SP100: variants seen among roughly 807,000 people sequenced by gnomAD.
SP100 encodes the protein nuclear autoantigen Sp-100.
Under a neutral mutation model 130.0 loss-of-function variants are expected in SP100, and 84 were observed. The observed-to-expected ratio is 0.65, with a 90% confidence interval of 0.54 to 0.77. SP100 has a LOEUF of 0.77. Ranked by LOEUF, SP100 falls within the 30% of genes least tolerant of loss-of-function variation. The pLI is 0.00. For missense variants in SP100, 978 were observed against 1,052.2 expected (o/e 0.93, Z 0.97); for synonymous variants, 331 against 351.7 (o/e 0.94, Z 0.66).
chr2:230,526,130 C>G (rs917382049), intron 24 of SP100, among the ~76,000 whole-genome samples: 1 of 152,208 alleles, frequency 6.6e-6, no homozygotes, highest in Non-Finnish European at 1.5e-5. Flanking sequence ...CCCAGGTAGC[C>G]TGACTGGGAA....
At chr2:230,461,477 A>T in intron 9 of SP100, 63 bp downstream of exon 9, 1 of 1,551,876 alleles carries the variant, frequency 6.4e-7, no homozygotes, top group Non-Finnish European at 8.9e-7. Flanking sequence ...GGGCTCAGGG[A>T]CTTCATCACG....
chr2:230,519,872 T>A (rs1691091557), intron 24 of SP100, among the ~76,000 whole-genome samples: 1 of 152,124 alleles, frequency 6.6e-6, no homozygotes, highest in Non-Finnish European at 1.5e-5. Flanking sequence ...CCATCCCGGG[T>A]TACATGGGTC....
chr2:230,502,952 T>C, intron 19 of SP100, 114 bp from the exon 20 acceptor site: 1 of 798,668 alleles, frequency 1.3e-6, no homozygotes. Flanking sequence ...ACTCCTGATA[T>C]TTTTCTTTAA....
chr2:230,440,669 T>A, intron 2 of SP100: 1 of 1,033,514 alleles, frequency 9.7e-7, no homozygotes, highest in Non-Finnish European at 1.3e-6. Context: ...AGTCCTAAAG[T>A]TTTTTCTTGA....
At chr2:230,492,570 T>G (rs1046575898) in intron 17 of SP100, among the ~76,000 whole-genome samples, 13 of 152,202 alleles carry the variant, frequency 8.5e-5, no homozygotes, top group Non-Finnish European at 1.8e-4. Context: ...CTTCCCAAAG[T>G]GCTGGGATTA....
intron 1 of SP100, 23 bp from the exon 2 acceptor site, chr2:230,417,568 G>A (rs1400862602): frequency 6.2e-7 from 1 of 1,607,460 alleles, no homozygotes. Context: ...TATTTACTTG[G>A]TCCTGCCAAA....
intron 24 of SP100, among the ~76,000 whole-genome samples, chr2:230,535,315 A>G (rs1355911246): frequency 2.0e-5 from 3 of 152,206 alleles, no homozygotes; most frequent in Non-Finnish European, 1.5e-5. Context: ...TCATTAGATT[A>G]GAGAGAGAAA....
chr2:230,523,300 T>TACA (rs1237561108), intron 24 of SP100, among the ~76,000 whole-genome samples: 1 of 152,258 alleles, frequency 6.6e-6, no homozygotes, highest in Admixed American at 6.5e-5. Flanking sequence ...TTTGTGTGTA[T>TACA]ACACGTTTAG....
chr2:230,541,485 G>C (rs1015401661), intron 27 of SP100, 113 bp downstream of exon 27: 4 of 837,822 alleles, frequency 4.8e-6, no homozygotes, highest in Non-Finnish European at 7.8e-6. Flanking sequence ...TTTAGTTCAG[G>C]CTACTATAGA....
At chr2:230,514,933 C>T (rs1690818895) in intron 24 of SP100, 3 of 1,183,416 alleles carry the variant, frequency 2.5e-6, no homozygotes, top group Admixed American at 2.7e-5. Flanking sequence ...GATTGCAGTA[C>T]ATTGAGCTCC....
At chr2:230,430,153 C>A (rs1383899767) in intron 2 of SP100, among the ~76,000 whole-genome samples, 3 of 152,182 alleles carry the variant, frequency 2.0e-5, no homozygotes, top group African/African-American at 7.2e-5. Flanking sequence ...GAGTTCTGGG[C>A]AGGTCAGCTG....
intron 16 of SP100, 85 bp downstream of exon 16, chr2:230,473,525 T>C: frequency 1.3e-6 from 1 of 752,810 alleles, no homozygotes; most frequent in Non-Finnish European, 2.3e-6. Flanking sequence ...TGATCAGAGT[T>C]GAAGCAAAGC....
chr2:230,506,235 C>T (rs1690090083), intron 21 of SP100, 68 bp from the exon 22 acceptor site: 1 of 1,577,566 alleles, frequency 6.3e-7, no homozygotes, highest in Non-Finnish European at 8.7e-7. Context: ...CCCCAGACCC[C>T]AGCATGGGGG....
chr2:230,506,626 C>A, intron 22 of SP100, 181 bp downstream of exon 22: 1 of 579,670 alleles, frequency 1.7e-6, no homozygotes, highest in Non-Finnish European at 3.0e-6. Flanking sequence ...TATATTACAG[C>A]TTAATCCTCT....
chr2:230,469,499 G>A (rs1020669743), intron 14 of SP100: 8 of 462,072 alleles, frequency 1.7e-5, no homozygotes, highest in East Asian at 6.8e-5. Context: ...AAGAAACAAC[G>A]TTGTCCTAGG....
At chr2:230,500,176 G>C (rs1488161185) in intron 19 of SP100, among the ~76,000 whole-genome samples, 1 of 152,074 alleles carries the variant, frequency 6.6e-6, no homozygotes, top group Non-Finnish European at 1.5e-5. Flanking sequence ...AATTTTTTCT[G>C]ACCATATTAT....
At chr2:230,468,895 T>A in intron 13 of SP100, 148 bp from the exon 14 acceptor site, 1 of 500,408 alleles carries the variant, frequency 2.0e-6, no homozygotes, top group Non-Finnish European at 3.5e-6. Flanking sequence ...CTCCATTTGA[T>A]AGTAATCTCT....
At chr2:230,487,334 G>A (rs2066157662) in intron 17 of SP100, among the ~76,000 whole-genome samples, 1 of 152,154 alleles carries the variant, frequency 6.6e-6, no homozygotes, top group Non-Finnish European at 1.5e-5. Context: ...AATCCATCCT[G>A]AGTTAATTTT....
At chr2:230,512,032 A>AT (rs1382291493) in intron 24 of SP100, among the ~76,000 whole-genome samples, 3 of 151,654 alleles carry the variant, frequency 2.0e-5, no homozygotes, top group Admixed American at 2.0e-4. Flanking sequence ...ACATCAGCTA[A>AT]TTTTTTTAAT....
Sources: allele counts gnomAD v4.1 joint callset (sites outside exome capture counted in the v4.1 genomes callset), GRCh38; gene constraint gnomAD v4.1.1; transcripts MANE v1.5; gene names NCBI Gene and HGNC (gene_info 2026-07-23, HGNC 2026-07-21).